Variants in GBE1 observed in about 807,000 individuals in gnomAD.
GBE1 encodes 1,4-alpha-glucan-branching enzyme.
In GBE1, 70 loss-of-function variants were observed where a neutral mutation model predicts 88.8. The ratio of observed to expected loss-of-function variants is 0.79; its 90% CI spans 0.65 to 0.96. The LOEUF (loss-of-function observed/expected upper bound fraction) is 0.96. Ranked by LOEUF, GBE1 falls within the 40% of genes least tolerant of loss-of-function variation. The pLI is 0.00. For synonymous variants in GBE1, 284 were observed against 300.1 expected (o/e 0.95, Z 0.56); for missense variants, 872 against 871.0 (o/e 1.00, Z -0.01).
At chr3:81,503,254 T>A (rs948564345) in intron 14 of GBE1, among the ~76,000 whole-genome samples, 4 of 151,996 alleles carry the variant, frequency 2.6e-5, no homozygotes, top group African/African-American at 4.8e-5. Flanking sequence ...GGCATGCATA[T>A]GAACATGCGT....
intron 1 of GBE1, among the ~76,000 whole-genome samples, chr3:81,721,216 T>A (rs866971764): frequency 4.0e-3 from 206 of 52,056 alleles, no homozygotes; most frequent in Middle Eastern, 0.035. Flanking sequence ...AATAAATAAA[T>A]AAATAAATAA....
chr3:81,675,440 G>A (rs550598081), intron 2 of GBE1, among the ~76,000 whole-genome samples: 31 of 152,076 alleles, frequency 2.0e-4, no homozygotes, highest in African/African-American at 7.2e-4. Flanking sequence ...ATGTATTAAT[G>A]TGAGGGAATA....
chr3:81,646,671 G>A (rs1364234028), intron 5 of GBE1, among the ~76,000 whole-genome samples, 189 bp from the exon 6 acceptor site: 1 of 152,066 alleles, frequency 6.6e-6, no homozygotes, highest in Non-Finnish European at 1.5e-5. Context: ...TAGTCTCTTA[G>A]AGCTGTATTC....
chr3:81,499,033 G>GT (rs1702551247), intron 15 of GBE1, 77 bp downstream of exon 15: 1 of 828,594 alleles, frequency 1.2e-6, no homozygotes. Context: ...TTGAAGAGTT[G>GT]TTTATTTGAA....
intron 14 of GBE1, among the ~76,000 whole-genome samples, chr3:81,523,436 C>T (rs1702899923): frequency 6.6e-6 from 1 of 151,484 alleles, no homozygotes; most frequent in African/African-American, 2.4e-5. Flanking sequence ...GTAATAATCA[C>T]ATCAGGGTAA....
At chr3:81,732,080 T>G (rs1340713104) in intron 1 of GBE1, among the ~76,000 whole-genome samples, 1 of 152,210 alleles carries the variant, frequency 6.6e-6, no homozygotes, top group Non-Finnish European at 1.5e-5. Flanking sequence ...GACAATTGTC[T>G]GCTTTGTTTA....
intron 12 of GBE1, among the ~76,000 whole-genome samples, chr3:81,553,725 G>A (rs549460420): frequency 1.3e-5 from 2 of 149,612 alleles, no homozygotes; most frequent in South Asian, 4.2e-4. Context: ...CAATGGGGTA[G>A]AAAGGGGGTG....
chr3:81,735,793 T>A (rs928946432), intron 1 of GBE1, among the ~76,000 whole-genome samples: 2 of 152,268 alleles, frequency 1.3e-5, no homozygotes, highest in African/African-American at 4.8e-5. Context: ...ATCAAGGGGC[T>A]CCAAAGGGCT....
intron 10 of GBE1, among the ~76,000 whole-genome samples, chr3:81,582,215 G>T (rs188557448): frequency 1.3e-5 from 2 of 152,046 alleles, no homozygotes; most frequent in Non-Finnish European, 2.9e-5. Context: ...AGGGCAGAAC[G>T]TGGAAGGCAG....
At position 81,535,310 on chromosome 3, in the gene GBE1, T is replaced by C; in HGVS notation, c.1819A>G (p.Lys607Glu). 6.2e-7 allele frequency: 1 copy of C among 1,608,884 alleles called. No homozygotes were observed. The highest frequency in any genetic ancestry group is 2.2e-5 in the East Asian group (1 of 44,744). The change falls in exon 14 of 16, where the codon AAA becomes GAA. Residue 607 changes from lysine to glutamate, a missense_variant. Physicochemically the swap from Lys to Glu is moderately conservative, Grantham distance 56 (BLOSUM62 1). Transcript: ENST00000429644. The part of the protein sequence containing the change: ...LAAPQAYVSE[K>E]HEGNKIIAFE... The stretch of plus-strand genomic sequence containing the variant: ...GCAATGATCTTATTGCCTTCATGTT[T>C]TTCACTCACGTAGGCCTGCAAGAAT...
chr3:81,540,818 T>A (rs1003979783), intron 12 of GBE1, among the ~76,000 whole-genome samples: 3 of 152,068 alleles, frequency 2.0e-5, no homozygotes, highest in Non-Finnish European at 4.4e-5. Context: ...AGGAATCCTA[T>A]ATCCACCCTC....
In GBE1 at chr3:81,524,849, C is replaced by A. The variant is rs1278214221; in HGVS notation, c.1934+10346G>T. 4.0e-5 allele frequency among the ~76,000 whole-genome samples: 6 copies of A among 151,878 alleles called. No individual in the cohort carries two copies. In the South Asian group the frequency reaches 6.2e-4, roughly 16 times the overall value. ...TTTGAAGTCAGGTAATGTGATTGTT[C>A]CAGTTTTGTTCTTTTTGTGCAACAT... On this transcript the variant is annotated intron_variant, in intron 14 of 15. Transcript: ENST00000429644.
chr3:81,646,278 A>T, intron 6 of GBE1, 114 bp downstream of exon 6: 1 of 688,314 alleles, frequency 1.5e-6, no homozygotes, highest in South Asian at 1.8e-5. Context: ...AGCTTCTATT[A>T]ACTCTGTTAA....
At chr3:81,532,409 A>G (rs900071991) in intron 14 of GBE1, among the ~76,000 whole-genome samples, 18 of 151,850 alleles carry the variant, frequency 1.2e-4, no homozygotes, top group Admixed American at 4.6e-4. Context: ...GAAACCTTAC[A>G]TTTTCCCTTC....
At chr3:81,506,775 G>A (rs1311899061) in intron 14 of GBE1, among the ~76,000 whole-genome samples, 1 of 152,190 alleles carries the variant, frequency 6.6e-6, no homozygotes, top group Non-Finnish European at 1.5e-5. Context: ...GCAGGGACAT[G>A]AATGGAGCTG....
chr3:81,670,812 A>T, intron 3 of GBE1, 26 bp downstream of exon 3: 1 of 1,271,166 alleles, frequency 7.9e-7, no homozygotes, highest in Non-Finnish European at 1.1e-6. Context: ...GATAAGTTCA[A>T]GAAAAAATAG....
intron 2 of GBE1, among the ~76,000 whole-genome samples, chr3:81,704,383 C>T (rs1042606284): frequency 2.1e-4 from 32 of 151,992 alleles, no homozygotes; most frequent in African/African-American, 7.5e-4. Context: ...ATGTACAGTT[C>T]TATAAATGTT....
intron 1 of GBE1, among the ~76,000 whole-genome samples, chr3:81,740,138 T>C (rs528300786): frequency 2.0e-5 from 3 of 152,104 alleles, no homozygotes; most frequent in African/African-American, 4.8e-5. Context: ...GGCAGGAGGA[T>C]TGATTGAGCC....
chr3:81,569,229 AG>A (rs551988552), intron 12 of GBE1, among the ~76,000 whole-genome samples: 227 of 152,292 alleles, frequency 1.5e-3, no homozygotes, highest in African/African-American at 5.3e-3. Context: ...GGTAAACAAT[AG>A]GGGAATTAAA....
Sources: allele counts gnomAD v4.1 joint callset (sites outside exome capture counted in the v4.1 genomes callset), GRCh38; gene constraint gnomAD v4.1.1; transcripts MANE v1.5; gene names NCBI Gene and HGNC (gene_info 2026-07-23, HGNC 2026-07-21).